PRPF4: variants seen among roughly 807,000 people sequenced by gnomAD.
PRPF4 encodes pre-mRNA splicing tri-snRNP complex factor PRPF4.
Under a neutral mutation model 72.2 loss-of-function variants are expected in PRPF4, and 14 were observed. The observed-to-expected ratio is 0.19, with a 90% confidence interval of 0.13 to 0.30. The LOEUF (loss-of-function observed/expected upper bound fraction) is 0.30, where lower values mean the gene tolerates loss of function less well. PRPF4 is among the 10% of genes least tolerant of loss of function. PRPF4 has a pLI of 1.00. For missense variants in PRPF4, 478 were observed against 653.9 expected, an observed-to-expected ratio of 0.73 and a Z score of 2.93; for synonymous variants, 225 against 232.2, an observed-to-expected ratio of 0.97 and a Z score of 0.28.
chr9:113,288,352 C>A, intron 10 of PRPF4, 88 bp downstream of exon 10: 1 of 1,188,120 alleles, frequency 8.4e-7, no homozygotes, highest in Non-Finnish European at 1.2e-6. Flanking sequence ...ATTTTTAGAG[C>A]AGAGATCTTC....
rs1832215304 is a variant in PRPF4, at chr9:113,279,602, T to A, written c.392+471T>A. 5.3e-5 allele frequency among the ~76,000 whole-genome samples: 8 copies of A among 152,308 alleles called. No homozygotes were observed. The South Asian group carries it at 1.7e-3, about 32-fold the overall frequency. ...CAGGGTTTCACCATGTTGGCCAGGC[T>A]GGTCTTGAACTCCTAACCTCAAATG... On this transcript the variant is annotated intron_variant, in intron 3 of 13. Transcript: ENST00000374198.
intron 4 of PRPF4, 162 bp from the exon 5 acceptor site, chr9:113,282,970 A>T: frequency 7.7e-7 from 1 of 1,302,320 alleles, no homozygotes; most frequent in Non-Finnish European, 1.1e-6. Flanking sequence ...CCATGTAGTT[A>T]CATATCATAG....
intron 2 of PRPF4, among the ~76,000 whole-genome samples, chr9:113,278,208 C>T (rs549324658): frequency 7.4e-4 from 112 of 152,218 alleles, no homozygotes; most frequent in African/African-American, 2.7e-3. Context: ...AATGAGAGGT[C>T]TACTATATTT....
At chr9:113,286,573 A>C in intron 8 of PRPF4, 132 bp from the exon 9 acceptor site, 1 of 1,276,742 alleles carries the variant, frequency 7.8e-7, no homozygotes, top group Non-Finnish European at 1.1e-6. Context: ...TATTAGCTTA[A>C]ATTAAAATAG....
chr9:113,281,608 C>T (rs890864557), intron 3 of PRPF4, among the ~76,000 whole-genome samples: 2 of 152,210 alleles, frequency 1.3e-5, no homozygotes, highest in Admixed American at 6.5e-5. Context: ...CCCTATTCTT[C>T]ACCAGTCCTC....
At chr9:113,290,873 CT>C in intron 12 of PRPF4, 24 bp from the exon 13 acceptor site, 1 of 1,612,874 alleles carries the variant, frequency 6.2e-7, no homozygotes, top group Non-Finnish European at 8.5e-7. Context: ...CTATTTCTAA[CT>C]TCAATACTGC....
Position 113,292,837 on chromosome 9 carries a change from G to A in PRPF4, c.*1177G>A, listed in dbSNP as rs1211872551. 2 of 152,000 alleles carry A rather than the reference G, an allele frequency of 1.3e-5. No individual in the cohort carries two copies. The highest frequency in any genetic ancestry group is 2.9e-5 in the Non-Finnish European group (2 of 67,996). The allele number at this position is 152,000 out of a possible 1,614,324, so 9.4% of individuals were successfully genotyped here. On this transcript the variant is annotated 3_prime_UTR_variant, in exon 14 of 14. Transcript: ENST00000374198. ...CTTTTCTTTATTCCACATTTGCTAC[G>A]GTAAAATCCTGTTACAAAACTACCC...
At chr9:113,289,153 T>C (rs956594441) in intron 10 of PRPF4, among the ~76,000 whole-genome samples, 3 of 152,226 alleles carry the variant, frequency 2.0e-5, no homozygotes, top group Non-Finnish European at 4.4e-5. Context: ...CAGCATAACA[T>C]TGTTAAGAGT....
intron 9 of PRPF4, 104 bp from the exon 10 acceptor site, chr9:113,288,071 A>G: frequency 9.9e-7 from 1 of 1,009,892 alleles, no homozygotes; most frequent in African/African-American, 1.6e-5. Context: ...GTTACAATTT[A>G]GCCTCTCGTG....
In PRPF4 at chr9:113,280,895, C is replaced by CGGT. The variant is rs556625425; in HGVS notation, c.393-1746_393-1744dup. Reference sequence around the variant, plus strand: ...TCGCTCTGTCACCCAGGGTGGAGTGCGGTGGTGCAATCTCAGCTCACTGCA... The same window carrying CGGT: ...TCGCTCTGTCACCCAGGGTGGAGTGCGGTGGTGGTGCAATCTCAGCTCACTGCA... On this transcript the variant is annotated intron_variant, in intron 3 of 13. Coordinates refer to ENST00000374198, the MANE Select transcript of PRPF4 (RefSeq NM_001244926.2). 9.5e-4 allele frequency among the ~76,000 whole-genome samples: 144 copies of CGGT among 151,812 alleles called. 4 individuals carry two copies. In the South Asian group the frequency reaches 0.028, roughly 30 times the overall value.
At chr9:113,288,714 G>A (rs1832524036) in intron 10 of PRPF4, among the ~76,000 whole-genome samples, 1 of 152,098 alleles carries the variant, frequency 6.6e-6, no homozygotes, top group East Asian at 1.9e-4. Context: ...TGGGATTATA[G>A]ATAACAGGTA....
chr9:113,291,367 G>GT lies in PRPF4; in HGVS notation c.1373-93dup, dbSNP rs879463868. 110 of 1,275,812 alleles carry GT rather than the reference G, an allele frequency of 8.6e-5. No individual in the cohort carries two copies. The Middle Eastern group carries it at 1.1e-3, about 13-fold the overall frequency. The allele number at this position is 1,275,812 out of a possible 1,614,324, so 79.0% of individuals were successfully genotyped here. On this transcript the variant is annotated intron_variant, in intron 13 of 13. Coordinates refer to ENST00000374198, the MANE Select transcript of PRPF4 (RefSeq NM_001244926.2). Reference sequence around the variant, plus strand: ...TGTTCCCTTAAGTCTGTAGAAACAAGTTTTTTTAAAAATAGTATGTTTTTG... The same window carrying GT: ...TGTTCCCTTAAGTCTGTAGAAACAAGTTTTTTTTAAAAATAGTATGTTTTTG...
In PRPF4 at chr9:113,275,747, G is replaced by A. The variant is rs748886389; in HGVS notation, c.4G>A (p.Ala2Thr). 2 of 1,611,972 alleles carry A rather than the reference G, an allele frequency of 1.2e-6. No homozygotes were observed. Among genetic ancestry groups the A allele is most frequent in the South Asian group, 2.2e-5 (2 of 90,964 alleles). Residue 2 changes from alanine (A) to threonine (T), a missense_variant, in exon 1 of 14, where the codon GCT becomes ACT. Physicochemically the swap from Ala to Thr is moderately conservative, Grantham distance 58. Coordinates refer to ENST00000374198, the MANE Select transcript of PRPF4 (RefSeq NM_001244926.2). ...CCTCGCGGCTCCAGAGCCCAGCATG[G>A]CTTCCTCGCGAGCCTCTTCCACGGT... MASSRASSTATK... is the reference protein window; with the variant it reads MTSSRASSTATK...
rs1243383223 is a variant in PRPF4, at chr9:113,291,517, A to G, written c.1423A>G (p.Ile475Val). 6.2e-7 allele frequency: 1 copy of G among 1,614,134 alleles called. No homozygotes were observed. The highest frequency in any genetic ancestry group is 1.3e-5 in the African/African-American group (1 of 75,034). ...LTGAYDNTAK[I>V]WTHPGWSPLK... is the part of the protein sequence containing the mutation. ...TGGTGCCTATGATAACACAGCCAAG[A>G]TCTGGACGCACCCAGGCTGGTCCCC... The change falls in exon 14 of 14, where the codon ATC becomes GTC. Residue 475 changes from isoleucine to valine, a missense_variant. Coordinates refer to ENST00000374198, the MANE Select transcript of PRPF4 (RefSeq NM_001244926.2).
chr9:113,287,012 C>G (rs903948797), intron 9 of PRPF4, among the ~76,000 whole-genome samples, 184 bp downstream of exon 9: 39 of 152,062 alleles, frequency 2.6e-4, no homozygotes, highest in African/African-American at 8.5e-4. Context: ...AGATTGCACA[C>G]TGCACTCCAG....
chr9:113,275,859 G>A, intron 1 of PRPF4, 89 bp downstream of exon 1: 1 of 1,549,160 alleles, frequency 6.5e-7, no homozygotes, highest in South Asian at 1.1e-5. Context: ...AGGAGCGGGA[G>A]AAGGCGGTGG....
At chr9:113,277,816 A>C (rs1832156834) in intron 2 of PRPF4, among the ~76,000 whole-genome samples, 1 of 152,154 alleles carries the variant, frequency 6.6e-6, no homozygotes, top group South Asian at 2.1e-4. Context: ...AGCCTGGGCA[A>C]ATAGTGATAC....
chr9:113,285,977 C>G lies in PRPF4; in HGVS notation c.750-255C>G, dbSNP rs993850644. 5.9e-5 allele frequency among the ~76,000 whole-genome samples: 9 copies of G among 152,208 alleles called. No homozygotes were observed. Among genetic ancestry groups the G allele is most frequent in the Non-Finnish European group, 1.2e-4 (8 of 68,032 alleles). ...GTTTAATTTGCCCCACCTTCCCTCA[C>G]AAGTGGATCCAAAAGTTAAGGAGAA... is the stretch of plus-strand genomic sequence containing the variant. On this transcript the variant is annotated intron_variant, in intron 7 of 13. Transcript: ENST00000374198.
intron 1 of PRPF4, 144 bp from the exon 2 acceptor site, chr9:113,276,404 G>C (rs1042180235): frequency 2.4e-6 from 2 of 828,600 alleles, no homozygotes; most frequent in Admixed American, 2.4e-5. Context: ...AATCAATGAA[G>C]AGCGTCTTAA....
Sources: allele counts gnomAD v4.1 joint callset (sites outside exome capture counted in the v4.1 genomes callset), GRCh38; gene constraint gnomAD v4.1.1; transcripts MANE v1.5; gene names NCBI Gene and HGNC (gene_info 2026-07-23, HGNC 2026-07-21).